The following ADAMTS18 variants were observed in gnomAD, a reference collection of about 807,000 sequenced individuals.
ADAMTS18 encodes the protein A disintegrin and metalloproteinase with thrombospondin motifs 18.
In ADAMTS18, 157 loss-of-function variants were observed where a neutral mutation model predicts 165.9. The observed-to-expected ratio is 0.95, with a 90% CI of 0.83 to 1.08. The LOEUF (loss-of-function observed/expected upper bound fraction) is 1.08. ADAMTS18 is among the 50% of genes least tolerant of loss of function. The pLI is 0.00. For synonymous variants in ADAMTS18, 782 were observed against 578.2 expected (o/e 1.35, Z -5.06); for missense variants, 2,040 against 1,534.0 (o/e 1.33, Z -5.51).
chr16:77,384,904 G>T (rs1007244868), intron 3 of ADAMTS18, among the ~76,000 whole-genome samples: 1 of 138,496 alleles, frequency 7.2e-6, no homozygotes, highest in Non-Finnish European at 1.7e-5. Context: ...AATCAGTTCA[G>T]ATAAGGTTTT....
intron 16 of ADAMTS18, among the ~76,000 whole-genome samples, chr16:77,312,443 G>A (rs1285629940): frequency 6.6e-6 from 1 of 152,078 alleles, no homozygotes; most frequent in Admixed American, 6.6e-5. Flanking sequence ...TCACCATGTT[G>A]GCTGGGCTGG....
chr16:77,420,002 T>TAA (rs34486248), intron 3 of ADAMTS18, among the ~76,000 whole-genome samples: 37,856 of 90,972 alleles, frequency 0.42, 9,081 homozygotes, highest in Non-Finnish European at 0.53. Context: ...TGTCGCAGAT[T>TAA]AAAAAAAAAA....
chr16:77,325,416 T>C (rs575599769), intron 13 of ADAMTS18, among the ~76,000 whole-genome samples: 8 of 152,262 alleles, frequency 5.3e-5, no homozygotes, highest in African/African-American at 1.7e-4. Context: ...TGTGTGTGTG[T>C]CTGCGTGCAT....
chr16:77,360,977 T>C lies in ADAMTS18; in HGVS notation c.1216+1128A>G, dbSNP rs533190746. ...GGTGGGTGCCTGTAAACCCAGCTAC[T>C]CTGGAGGCTGAGGCAGGAGAATCAC... On this transcript the variant is annotated intron_variant, in intron 7 of 22. Coordinates refer to ENST00000282849, the MANE Select transcript of ADAMTS18 (RefSeq NM_199355.4). Among the ~76,000 whole-genome samples the C allele has an allele frequency of 2.6e-5, 4 of 152,128 alleles. No individual in the cohort carries two copies. In the South Asian group the frequency reaches 6.2e-4, roughly 24 times the overall value.
chr16:77,320,777 G>C (rs1349625455), intron 15 of ADAMTS18, among the ~76,000 whole-genome samples: 1 of 152,182 alleles, frequency 6.6e-6, no homozygotes, highest in African/African-American at 2.4e-5. Context: ...ACTGTGAGTA[G>C]AGATCACATA....
intron 22 of ADAMTS18, among the ~76,000 whole-genome samples, chr16:77,286,364 G>C (rs187574015): frequency 6.6e-6 from 1 of 151,982 alleles, no homozygotes; most frequent in Non-Finnish European, 1.5e-5. Flanking sequence ...TTTGTTGTCC[G>C]TTTCCATTTT....
At chr16:77,302,492 G>A (rs1037166391) in intron 16 of ADAMTS18, among the ~76,000 whole-genome samples, 1 of 152,178 alleles carries the variant, frequency 6.6e-6, no homozygotes, top group African/African-American at 2.4e-5. Context: ...GCAGTACAAA[G>A]AGGTCGCATC....
intron 3 of ADAMTS18, among the ~76,000 whole-genome samples, chr16:77,416,967 A>C (rs2144840133): frequency 6.6e-6 from 1 of 152,312 alleles, no homozygotes; most frequent in African/African-American, 2.4e-5. Context: ...CTTGAGCATA[A>C]GATTACTCGG....
At chr16:77,315,293 A>C (rs777001250) in intron 16 of ADAMTS18, among the ~76,000 whole-genome samples, 3 of 152,218 alleles carry the variant, frequency 2.0e-5, no homozygotes, top group Non-Finnish European at 4.4e-5. Flanking sequence ...GATTGCCTCC[A>C]CAGAGGGTCT....
At chr16:77,412,444 C>A (rs2057477401) in intron 3 of ADAMTS18, among the ~76,000 whole-genome samples, 1 of 152,182 alleles carries the variant, frequency 6.6e-6, no homozygotes, top group Admixed American at 6.5e-5. Flanking sequence ...CCTGCCTCAG[C>A]CTACCAAGTA....
chr16:77,398,974 G>A (rs936442976), intron 3 of ADAMTS18, among the ~76,000 whole-genome samples: 2 of 152,212 alleles, frequency 1.3e-5, no homozygotes, highest in African/African-American at 2.4e-5. Flanking sequence ...ACTTAGGTAT[G>A]TAGAAATAGA....
rs142526471 is a variant in ADAMTS18, at chr16:77,405,403, G to C, written c.495+25892C>G. Among the ~76,000 whole-genome samples, 30 of 152,274 alleles carry C rather than the reference G, an allele frequency of 2.0e-4. No homozygotes were observed. In the East Asian group the frequency reaches 5.4e-3, roughly 27 times the overall value. ...TGATCATCAATAGGACAGATTTATT[G>C]TAATGCTTTGAATGAGCAGATGGCC... On this transcript the variant is annotated intron_variant, in intron 3 of 22. Coordinates refer to ENST00000282849, the MANE Select transcript of ADAMTS18 (RefSeq NM_199355.4).
chr16:77,414,550 T>G (rs2057505324), intron 3 of ADAMTS18, among the ~76,000 whole-genome samples: 1 of 152,196 alleles, frequency 6.6e-6, no homozygotes, highest in Non-Finnish European at 1.5e-5. Context: ...ACTAAAAAAT[T>G]TAAAATTATA....
At chr16:77,419,864 G>T (rs529508560) in intron 3 of ADAMTS18, among the ~76,000 whole-genome samples, 1 of 151,650 alleles carries the variant, frequency 6.6e-6, no homozygotes, top group Non-Finnish European at 1.5e-5. Context: ...GCTGGGTATG[G>T]TAGTGGCGCC....
At position 77,353,897 on chromosome 16, in the gene ADAMTS18, A is replaced by C. The variant is rs1463982834; in HGVS notation, c.1461-11T>G. The stretch of plus-strand genomic sequence containing the variant: ...CCCGCCTGAGGTGTGCTGTAATGAC[A>C]ATACATGCTTATTAATTACTCTGTT... On this transcript the variant is annotated splice_polypyrimidine_tract_variant and intron_variant, in intron 9 of 22. Transcript: ENST00000282849. The C allele has an allele frequency of 6.2e-7, 1 of 1,614,020 alleles. No individual in the cohort carries two copies. Among genetic ancestry groups the C allele is most frequent in the African/African-American group, 1.3e-5 (1 of 74,936 alleles).
chr16:77,375,755 T>A (rs1211629224), intron 3 of ADAMTS18, among the ~76,000 whole-genome samples: 3 of 152,228 alleles, frequency 2.0e-5, no homozygotes, highest in African/African-American at 7.2e-5. Flanking sequence ...ATTGGGTATT[T>A]ATAAAGAAAA....
At chr16:77,292,674 A>T (rs2055386279) in intron 20 of ADAMTS18, among the ~76,000 whole-genome samples, 1 of 152,184 alleles carries the variant, frequency 6.6e-6, no homozygotes, top group Admixed American at 6.5e-5. Flanking sequence ...AGGCTTGATC[A>T]ATGTGGGGGT....
intron 3 of ADAMTS18, among the ~76,000 whole-genome samples, chr16:77,418,692 G>C (rs944247083): frequency 2.6e-5 from 4 of 152,008 alleles, no homozygotes; most frequent in Admixed American, 2.6e-4. Context: ...CTTCTCTTTG[G>C]GCTTACTGTC....
chr16:77,320,937 C>G (rs1807478549), intron 15 of ADAMTS18, 142 bp downstream of exon 15: 7 of 1,050,946 alleles, frequency 6.7e-6, no homozygotes, highest in Non-Finnish European at 1.0e-5. Flanking sequence ...ATCTCCCTTA[C>G]TCTTGCACAA....
Sources: allele counts gnomAD v4.1 joint callset (sites outside exome capture counted in the v4.1 genomes callset), GRCh38; gene constraint gnomAD v4.1.1; transcripts MANE v1.5; gene names NCBI Gene and HGNC (gene_info 2026-07-23, HGNC 2026-07-21).